The following PPP2CB variants were observed in gnomAD, a reference collection of about 807,000 sequenced individuals.
The protein encoded by PPP2CB is protein phosphatase 2 catalytic subunit beta.
Under a neutral mutation model 39.1 loss-of-function variants are expected in PPP2CB, and 18 were observed. That is an observed-to-expected ratio of 0.46 (90% CI 0.32 to 0.68). The LOEUF (loss-of-function observed/expected upper bound fraction) is 0.68, where lower values mean the gene tolerates loss of function less well. Among genes scored for constraint, PPP2CB ranks in the 30% least tolerant of loss-of-function variants. The pLI, the probability that PPP2CB is intolerant of heterozygous loss-of-function variation, is 0.04. For missense variants in PPP2CB, 226 were observed against 396.9 expected, an observed-to-expected ratio of 0.57 and a Z score of 3.66; for synonymous variants, 129 against 133.8, an observed-to-expected ratio of 0.96 and a Z score of 0.25.
At position 30,791,179 on chromosome 8, in the gene PPP2CB, A is replaced by T. The variant is rs181029857; in HGVS notation, c.857+18T>A. Reference sequence around the variant, plus strand: ...TTCCTTCTGAAAGTATATACAATTAAAATTTACAGTTACTCACAAGGAATA... The same window carrying T: ...TTCCTTCTGAAAGTATATACAATTATAATTTACAGTTACTCACAAGGAATA... On this transcript the variant is annotated intron_variant, in intron 6 of 6. Coordinates refer to ENST00000221138, the MANE Select transcript of PPP2CB (RefSeq NM_001009552.2). The T allele has an allele frequency of 5.3e-6, 8 of 1,507,816 alleles. No individual in the cohort carries two copies. In the East Asian group the frequency reaches 1.8e-4, roughly 34 times the overall value. The allele number at this position is 1,507,816 out of a possible 1,614,324, so 93.4% of individuals were successfully genotyped here. A position where few individuals can be genotyped will look rare whatever the true frequency, so the allele number is the denominator to read the frequency against.
In PPP2CB at chr8:30,812,320, C is replaced by A; in HGVS notation, c.102G>T (p.Lys34Asn). Reference sequence around the variant, plus strand: ...GCACTCGCCCCCGCGGCGCCCTCACCTTCTCGCACAGCGTCCGCACTTGGT... The same window carrying A: ...GCACTCGCCCCCGCGGCGCCCTCACATTCTCGCACAGCGTCCGCACTTGGT... ...NENQVRTLCE[K>N]AKEILTKESN... The change falls in exon 1 of 7, where the codon AAG becomes AAT. Residue 34 changes from lysine (K) to asparagine (N), a missense_variant and splice_region_variant. By Grantham distance (94) the Lys-to-Asn change is moderately conservative. Coordinates refer to ENST00000221138, the MANE Select transcript of PPP2CB (RefSeq NM_001009552.2). 5.2e-6 allele frequency: 8 copies of A among 1,528,224 alleles called. No homozygotes were observed. Among genetic ancestry groups the A allele is most frequent in the Non-Finnish European group, 7.1e-6 (8 of 1,134,032 alleles). 94.7% of individuals were successfully genotyped at this position (1,528,224 alleles called of 1,614,324 possible). A position where few individuals can be genotyped will look rare whatever the true frequency, so the allele number is the denominator to read the frequency against.
chr8:30,811,505 A>ATTTT (rs569063598), intron 1 of PPP2CB, among the ~76,000 whole-genome samples: 1 of 127,616 alleles, frequency 7.8e-6, no homozygotes, highest in African/African-American at 3.1e-5. Context: ...AGAATCAGCG[A>ATTTT]TTTTTTTTTT....
intron 1 of PPP2CB, among the ~76,000 whole-genome samples, chr8:30,808,929 T>C (rs1164887281): frequency 7.9e-6 from 1 of 126,516 alleles, no homozygotes; most frequent in East Asian, 2.4e-4. Flanking sequence ...GGCCTTTTTT[T>C]TTTTTTTTTT....
At chr8:30,802,879 T>C (rs181180512) in intron 1 of PPP2CB, among the ~76,000 whole-genome samples, 196 of 152,204 alleles carry the variant, frequency 1.3e-3, no homozygotes, top group African/African-American at 4.3e-3. Flanking sequence ...ACCCTGGAAA[T>C]GAAATTCAAA....
At chr8:30,791,974 A>ATG (rs1043355196) in intron 5 of PPP2CB, among the ~76,000 whole-genome samples, 3 of 88,408 alleles carry the variant, frequency 3.4e-5, no homozygotes, top group Admixed American at 2.6e-4. Context: ...ACGTGTGTAT[A>ATG]TGTGTATATA....
chr8:30,801,225 A>C (rs1298015147), intron 1 of PPP2CB, among the ~76,000 whole-genome samples: 1 of 148,432 alleles, frequency 6.7e-6, no homozygotes, highest in African/African-American at 2.5e-5. Flanking sequence ...AAAAGGCAAC[A>C]ACACAGCACA....
chr8:30,788,276 T>C (rs769268249), intron 6 of PPP2CB, among the ~76,000 whole-genome samples: 4 of 152,110 alleles, frequency 2.6e-5, no homozygotes, highest in Non-Finnish European at 5.9e-5. Flanking sequence ...TGTTTTTTTC[T>C]TTCTGAGACA....
At chr8:30,787,838 ATTTATAGG>A (rs147189116) in intron 6 of PPP2CB, among the ~76,000 whole-genome samples, 1,798 of 152,214 alleles carry the variant, frequency 0.012, 20 homozygotes, top group South Asian at 0.017. Flanking sequence ...CAAAGCTGGG[ATTTATAGG>A]TGTGAGCCAC....
chr8:30,792,985 G>A lies in PPP2CB; in HGVS notation c.738+932C>T, dbSNP rs1282686263. The stretch of plus-strand genomic sequence containing the variant: ...GAAGCCACTCCCTACTGGTCTGCAG[G>A]GATTATGTTGTTTATGTTCCCTTAG... On this transcript the variant is annotated intron_variant, in intron 5 of 6. Coordinates refer to ENST00000221138, the MANE Select transcript of PPP2CB (RefSeq NM_001009552.2). The A allele has an allele frequency of 2.6e-5, 4 of 151,966 alleles. No individual in the cohort carries two copies. In the East Asian group the frequency reaches 7.7e-4, roughly 29 times the overall value. The allele number at this position is 151,966 out of a possible 1,614,324, so 9.4% of individuals were successfully genotyped here. A position where few individuals can be genotyped will look rare whatever the true frequency, so the allele number is the denominator to read the frequency against.
rs980336055 is a variant in PPP2CB at position 30,786,133 on chromosome 8, T to C, written c.*102A>G. On this transcript the variant is annotated 3_prime_UTR_variant, in exon 7 of 7. Transcript: ENST00000221138. ...AATGCCAAGACAGATCCCAATTTGT[T>C]ACAGAAACACATAGATTACTGTTGC... 1 of 1,054,348 alleles carries C rather than the reference T, an allele frequency of 9.5e-7. No individual in the cohort carries two copies. The highest frequency in any genetic ancestry group is 1.4e-6 in the Non-Finnish European group (1 of 717,296). 65.3% of individuals were successfully genotyped at this position (1,054,348 alleles called of 1,614,324 possible). A position where few individuals can be genotyped will look rare whatever the true frequency, so the allele number is the denominator to read the frequency against.
rs1806857514 is a variant in PPP2CB at position 30,812,488 on chromosome 8, C to T, written c.-67G>A. 1.9e-5 allele frequency: 23 copies of T among 1,211,766 alleles called. No individual in the cohort carries two copies. Among genetic ancestry groups the T allele is most frequent in the Non-Finnish European group, 2.5e-5 (23 of 907,514 alleles). The allele number at this position is 1,211,766 out of a possible 1,614,324, so 75.1% of individuals were successfully genotyped here. A position where few individuals can be genotyped will look rare whatever the true frequency, so the allele number is the denominator to read the frequency against. On this transcript the variant is annotated 5_prime_UTR_variant, in exon 1 of 7. Coordinates refer to ENST00000221138, the MANE Select transcript of PPP2CB (RefSeq NM_001009552.2). ...CGCCGCCCTCCCCCCTCCCCACCCG[C>T]CCCCGGCCCCGGCCCGGGCGCCGCT...
chr8:30,799,573 C>T lies in PPP2CB; in HGVS notation c.285G>A (p.Glu95=), dbSNP rs1438761337. 1 of 1,613,200 alleles carries T rather than the reference C, an allele frequency of 6.2e-7. No individual in the cohort carries two copies. Among genetic ancestry groups the T allele is most frequent in the Admixed American group, 1.7e-5 (1 of 59,982 alleles). Residue 95 remains glutamate, a synonymous_variant, in exon 2 of 7, where the codon GAG becomes GAA. Coordinates refer to ENST00000221138, the MANE Select transcript of PPP2CB (RefSeq NM_001009552.2). The stretch of plus-strand genomic sequence containing the variant: ...TTAATGCTACAAGAAGAGTCACAGT[C>T]TCCACTGAATAATATCCTCTGTCTA... ...DYVDRGYYSV[E]TVTLLVALKV...
In PPP2CB at chr8:30,812,593, C is replaced by T. The variant is rs1300301612; in HGVS notation, c.-172G>A. ...TAGGGCGGCCGCGGGCCCCGCGCCC[C>T]GCCCAAGCCCAGCAGGCGGCTCCGA... On this transcript the variant is annotated 5_prime_UTR_variant, in exon 1 of 7. Coordinates refer to ENST00000221138, the MANE Select transcript of PPP2CB (RefSeq NM_001009552.2). 2 of 358,630 alleles carry T rather than the reference C, an allele frequency of 5.6e-6. No homozygotes were observed. Among genetic ancestry groups the T allele is most frequent in the Non-Finnish European group, 9.6e-6 (2 of 207,816 alleles). The allele number at this position is 358,630 out of a possible 1,614,324, so 22.2% of individuals were successfully genotyped here. A position where few individuals can be genotyped will look rare whatever the true frequency, so the allele number is the denominator to read the frequency against.
At chr8:30,793,694 G>T (rs1806475804) in intron 5 of PPP2CB, 3 of 434,460 alleles carry the variant, frequency 6.9e-6, no homozygotes, top group Non-Finnish European at 1.2e-5. Flanking sequence ...GGAATTATGG[G>T]GTACTATTTT....
At chr8:30,808,615 C>G (rs1376252454) in intron 1 of PPP2CB, among the ~76,000 whole-genome samples, 1 of 152,176 alleles carries the variant, frequency 6.6e-6, no homozygotes, top group Non-Finnish European at 1.5e-5. Context: ...GCCTGCTACT[C>G]TTGCCCTAGA....
intron 6 of PPP2CB, chr8:30,790,932 G>T: frequency 1.4e-5 from 4 of 291,576 alleles, no homozygotes; most frequent in Admixed American, 5.2e-5. Context: ...TAGCTCAAAT[G>T]CCACAGACTA....
intron 1 of PPP2CB, among the ~76,000 whole-genome samples, chr8:30,802,247 TTTC>T (rs1242758014): frequency 2.0e-5 from 3 of 152,210 alleles, no homozygotes; most frequent in African/African-American, 7.2e-5. Flanking sequence ...TACCCTTCAG[TTTC>T]TTTTCCTGAG....
rs1806854873 is a variant in PPP2CB at position 30,812,441 on chromosome 8, G to A, written c.-20C>T. 6 of 1,501,122 alleles carry A rather than the reference G, an allele frequency of 4.0e-6. No individual in the cohort carries two copies. The highest frequency in any genetic ancestry group is 5.4e-6 in the Non-Finnish European group (6 of 1,121,260). The allele number at this position is 1,501,122 out of a possible 1,614,324, so 93.0% of individuals were successfully genotyped here. A position where few individuals can be genotyped will look rare whatever the true frequency, so the allele number is the denominator to read the frequency against. ...GTCCATGGCGGCCCGATCCCGATGC[G>A]GATCCCGAGCCCCAGCCCGGCCGCC... On this transcript the variant is annotated 5_prime_UTR_variant, in exon 1 of 7. Coordinates refer to ENST00000221138, the MANE Select transcript of PPP2CB (RefSeq NM_001009552.2).
At chr8:30,795,675 T>TA (rs1806511568) in intron 3 of PPP2CB, among the ~76,000 whole-genome samples, 1 of 152,194 alleles carries the variant, frequency 6.6e-6, no homozygotes, top group Admixed American at 6.5e-5. Context: ...TCCTTAAAGG[T>TA]TTGGTAGAAT....
Sources: allele counts gnomAD v4.1 joint callset (sites outside exome capture counted in the v4.1 genomes callset), GRCh38; gene constraint gnomAD v4.1.1; transcripts MANE v1.5; gene names NCBI Gene and HGNC (gene_info 2026-07-23, HGNC 2026-07-21).